The following TYW1B variants were observed in gnomAD, a reference collection of about 807,000 sequenced individuals.
The protein encoded by TYW1B is tRNA-yW synthesizing protein 1 homolog B, also known as S-adenosyl-L-methionine-dependent tRNA 4-demethylwyosine synthase TYW1B.
TYW1B carries 73 observed loss-of-function variants against 86.9 expected under a neutral mutation model. The ratio of observed to expected loss-of-function variants is 0.84; its 90% CI spans 0.70 to 1.02. The LOEUF is 1.02. TYW1B is among the 50% of genes least tolerant of loss of function. The pLI is 0.00. For synonymous variants in TYW1B, 248 were observed against 292.8 expected, an observed-to-expected ratio of 0.85 and a Z score of 1.56; for missense variants, 637 against 827.4, an observed-to-expected ratio of 0.77 and a Z score of 2.82.
intron 10 of TYW1B, among the ~76,000 whole-genome samples, chr7:72,707,284 T>C (rs1281900801): frequency 2.5e-4 from 38 of 152,342 alleles, no homozygotes; most frequent in Middle Eastern, 3.4e-3. Flanking sequence ...CACCCTGTGA[T>C]AAAGTGCAGC....
chr7:72,576,073 C>T (rs1554428441), intron 13 of TYW1B, among the ~76,000 whole-genome samples: 1 of 152,066 alleles, frequency 6.6e-6, no homozygotes, highest in Admixed American at 6.5e-5. Flanking sequence ...CGCTTTTGAT[C>T]GGTTACAAAT....
At chr7:72,812,139 G>GT (rs34945951) in intron 3 of TYW1B, among the ~76,000 whole-genome samples, 96,263 of 146,446 alleles carry the variant, frequency 0.66, 32,454 homozygotes, top group Middle Eastern at 0.77. Context: ...TTTTAGAGGT[G>GT]TTTTTTTTTT....
At chr7:72,765,042 T>C (rs1350562020) in intron 7 of TYW1B, among the ~76,000 whole-genome samples, 3 of 152,150 alleles carry the variant, frequency 2.0e-5, no homozygotes, top group African/African-American at 4.8e-5. Flanking sequence ...TAGGATACAA[T>C]TGGAAATATA....
chr7:72,743,661 T>C (rs544248556), intron 8 of TYW1B, among the ~76,000 whole-genome samples: 2 of 151,954 alleles, frequency 1.3e-5, no homozygotes, highest in Non-Finnish European at 2.9e-5. Flanking sequence ...CTGGCCAACA[T>C]GGTGAAACCC....
chr7:72,578,736 A>G (rs1327303798), intron 13 of TYW1B, among the ~76,000 whole-genome samples: 1 of 152,162 alleles, frequency 6.6e-6, no homozygotes, highest in Non-Finnish European at 1.5e-5. Context: ...TTATAATACA[A>G]CATAGCGTGT....
chr7:72,641,186 T>C (rs1400228657), intron 11 of TYW1B, among the ~76,000 whole-genome samples: 2 of 151,996 alleles, frequency 1.3e-5, no homozygotes, highest in South Asian at 2.1e-4. Context: ...CTTAGAAATA[T>C]GTAAATTACC....
chr7:72,819,190 AC>A (rs1215162506), intron 2 of TYW1B, among the ~76,000 whole-genome samples: 1 of 152,074 alleles, frequency 6.6e-6, no homozygotes, highest in Non-Finnish European at 1.5e-5. Context: ...AAGAGAGTTA[AC>A]AAAGAGCCAC....
At chr7:72,586,608 A>T (rs1346614576) in intron 13 of TYW1B, among the ~76,000 whole-genome samples, 3 of 152,110 alleles carry the variant, frequency 2.0e-5, no homozygotes, top group Admixed American at 2.0e-4. Context: ...GTGGTGGTGC[A>T]TGCCCGTAAT....
At chr7:72,743,913 A>T (rs1467229977) in intron 8 of TYW1B, among the ~76,000 whole-genome samples, 2 of 152,086 alleles carry the variant, frequency 1.3e-5, no homozygotes, top group East Asian at 3.9e-4. Context: ...CCCCAAAAAG[A>T]GAGAGGCAGA....
chr7:72,695,936 T>C (rs1563062055), intron 10 of TYW1B, among the ~76,000 whole-genome samples: 1 of 136,852 alleles, frequency 7.3e-6, no homozygotes, highest in African/African-American at 2.7e-5. Context: ...ACCTAGACTA[T>C]ACTTTTTCTT....
Position 72,810,406 on chromosome 7 carries a change from G to A in TYW1B, c.432+65C>T, listed in dbSNP as rs1304695498. ...TGCACGTGTGTTTGTGTGTGTGTAC[G>A]TGTGTGTGCGTGTGTGTGTGTGTTT... On this transcript the variant is annotated intron_variant, in intron 4 of 13. Transcript: ENST00000620995. The A allele has an allele frequency of 6.0e-5, 91 of 1,517,502 alleles. 1 individual carries two copies. In the East Asian group the frequency reaches 1.4e-3, roughly 23 times the overall value. The allele number at this position is 1,517,502 out of a possible 1,614,324, so 94.0% of individuals were successfully genotyped here. A position where few individuals can be genotyped will look rare whatever the true frequency, so the allele number is the denominator to read the frequency against.
At chr7:72,706,431 CAAAAAAAAAAAAA>C (rs59124514) in intron 10 of TYW1B, among the ~76,000 whole-genome samples, 8 of 64,490 alleles carry the variant, frequency 1.2e-4, no homozygotes, top group Non-Finnish European at 2.0e-4. Context: ...CCTCCATCTC[CAAAAAAAAAAAAA>C]AAAAAAAAAA....
At chr7:72,745,772 T>C (rs561592939) in intron 7 of TYW1B, among the ~76,000 whole-genome samples, 1 of 151,648 alleles carries the variant, frequency 6.6e-6, no homozygotes, top group South Asian at 2.1e-4. Context: ...ACTGAAATAA[T>C]ATGGAATTAA....
At position 72,694,700 on chromosome 7, in the gene TYW1B, G is replaced by C; in HGVS notation, c.1493C>G (p.Ala498Gly). The C allele has an allele frequency of 6.2e-7, 1 of 1,609,922 alleles. No homozygotes were observed. The highest frequency in any genetic ancestry group is 8.5e-7 in the Non-Finnish European group (1 of 1,179,038). The change falls in exon 11 of 14, where the codon GCC (alanine) becomes GGC (glycine). Residue 498 changes from alanine (A) to glycine (G), a missense_variant. Coordinates refer to ENST00000620995, the MANE Select transcript of TYW1B (RefSeq NM_001145440.3). ...FWQQFLDSLK[A>G]LAVKQQRTVY... ...CATAATTCTTACCTTGACTGCCAAG[G>C]CTTTTAAACTGTCAAGGAATTGCTG...
At chr7:72,606,119 T>C (rs1230428484) in intron 13 of TYW1B, among the ~76,000 whole-genome samples, 6 of 152,318 alleles carry the variant, frequency 3.9e-5, no homozygotes, top group African/African-American at 7.2e-5. Context: ...GGTGAGTTTC[T>C]TGAGTTTTAT....
intron 6 of TYW1B, among the ~76,000 whole-genome samples, chr7:72,792,101 G>A (rs782154713): frequency 3.9e-5 from 6 of 152,114 alleles, no homozygotes; most frequent in Non-Finnish European, 5.9e-5. Flanking sequence ...AGACCGAGGC[G>A]GGTGATCATT....
At chr7:72,826,718 G>A (rs1460491556) in intron 2 of TYW1B, 137 bp downstream of exon 2, 32 of 1,175,480 alleles carry the variant, frequency 2.7e-5, no homozygotes, top group Admixed American at 7.1e-5. Context: ...AAAACTTAGA[G>A]AAGAAATTTA....
chr7:72,756,793 AAC>A (rs1246187915), intron 7 of TYW1B, among the ~76,000 whole-genome samples: 7 of 152,164 alleles, frequency 4.6e-5, no homozygotes, highest in Non-Finnish European at 7.4e-5. Context: ...ACAATCCAAC[AAC>A]AGACACATAA....
At chr7:72,759,385 C>A (rs1364456313) in intron 7 of TYW1B, among the ~76,000 whole-genome samples, 1 of 152,130 alleles carries the variant, frequency 6.6e-6, no homozygotes, top group African/African-American at 2.4e-5. Flanking sequence ...AAACAACAGT[C>A]TGAATTCCTC....
Sources: gnomAD v4.1 joint callset for allele counts (sites outside exome capture counted in the v4.1 genomes callset) on GRCh38, gnomAD v4.1.1 for gene constraint, MANE v1.5 for transcripts, NCBI Gene and HGNC (gene_info 2026-07-23, HGNC 2026-07-21) for gene names.